Variants in RGS6 observed in about 807,000 individuals in gnomAD.
RGS6 encodes regulator of G-protein signaling 6.
In RGS6, 30 loss-of-function variants were observed where a neutral mutation model predicts 78.5. The observed-to-expected ratio is 0.38, with a 90% CI of 0.29 to 0.52. RGS6 has a LOEUF of 0.52. RGS6 is among the 20% of genes least tolerant of loss of function. The pLI is 0.85. For synonymous variants in RGS6, 206 were observed against 206.0 expected (o/e 1.00, Z 0.00); for missense variants, 495 against 609.7 (o/e 0.81, Z 1.98).
intron 12 of RGS6, among the ~76,000 whole-genome samples, chr14:72,483,369 C>T (rs2096420581): frequency 6.6e-6 from 1 of 152,208 alleles, no homozygotes; most frequent in African/African-American, 2.4e-5. Flanking sequence ...ATTCGTGTGT[C>T]ACAGCTGACT....
At chr14:72,301,914 T>C (rs1230037611) in intron 2 of RGS6, among the ~76,000 whole-genome samples, 3 of 152,170 alleles carry the variant, frequency 2.0e-5, no homozygotes, top group Non-Finnish European at 4.4e-5. Flanking sequence ...TAAGGTCACA[T>C]TTTGAAGCAC....
chr14:72,098,971 G>T (rs556017740), intron 2 of RGS6, among the ~76,000 whole-genome samples: 1 of 152,160 alleles, frequency 6.6e-6, no homozygotes, highest in Non-Finnish European at 1.5e-5. Flanking sequence ...ATTTTAAGGG[G>T]CATCAGTCTC....
At chr14:72,625,158 T>C in the RGS6 span, among the ~76,000 whole-genome samples, 1 of 152,192 alleles carries the variant, frequency 6.6e-6, no homozygotes, top group Non-Finnish European at 1.5e-5. Flanking sequence ...AATTGACAGT[T>C]CGTCCTTATA....
chr14:72,290,516 T>C (rs915726019), intron 2 of RGS6, among the ~76,000 whole-genome samples: 1 of 152,216 alleles, frequency 6.6e-6, no homozygotes, highest in Non-Finnish European at 1.5e-5. Flanking sequence ...AAATGGGTCC[T>C]TGGTGAGTAA....
At chr14:71,963,849 G>C (rs2093355065) in intron 1 of RGS6, among the ~76,000 whole-genome samples, 1 of 152,096 alleles carries the variant, frequency 6.6e-6, no homozygotes, top group Non-Finnish European at 1.5e-5. Context: ...TTTGATATTT[G>C]TTTTCAGTTA....
At chr14:72,444,456 G>A (rs1356077731) in intron 3 of RGS6, among the ~76,000 whole-genome samples, 1 of 152,164 alleles carries the variant, frequency 6.6e-6, no homozygotes, top group East Asian at 1.9e-4. Flanking sequence ...ATCTCCCCAG[G>A]CCTTCGCTGC....
chr14:72,113,077 C>G (rs748684840), intron 2 of RGS6, among the ~76,000 whole-genome samples: 1 of 142,174 alleles, frequency 7.0e-6, no homozygotes, highest in Admixed American at 7.3e-5. Flanking sequence ...CACACACACA[C>G]GCATGCACGC....
chr14:71,883,326 G>T, the RGS6 span, among the ~76,000 whole-genome samples: 2 of 152,168 alleles, frequency 1.3e-5, no homozygotes, highest in Non-Finnish European at 2.9e-5. Context: ...AGCCAGGTAT[G>T]GGACAGTTAG....
At position 72,565,990 on chromosome 14, in the gene RGS6, C is replaced by G. The variant is rs2097708480; in HGVS notation, c.*3523C>G. 6.6e-6 allele frequency: 1 copy of G among 152,140 alleles called. No homozygotes were observed. The highest frequency in any genetic ancestry group is 2.4e-5 in the African/African-American group (1 of 41,400). 9.4% of individuals were successfully genotyped at this position (152,140 alleles called of 1,614,324 possible). A position where few individuals can be genotyped will look rare whatever the true frequency, so the allele number is the denominator to read the frequency against. On this transcript the variant is annotated 3_prime_UTR_variant, in exon 18 of 18. Coordinates refer to ENST00000553525, the MANE Select transcript of RGS6 (RefSeq NM_001204424.2). ...TCGGGGGGAGATAATGCACCACCAG[C>G]CTCAAAAAGGAGCTGCCCAAGTTGA... is the stretch of plus-strand genomic sequence containing the variant.
At chr14:72,431,344 T>C (rs112364396) in intron 3 of RGS6, among the ~76,000 whole-genome samples, 9 of 152,088 alleles carry the variant, frequency 5.9e-5, no homozygotes, top group African/African-American at 2.2e-4. Flanking sequence ...AAGCACCCAG[T>C]TGGTTTGGCT....
chr14:72,402,940 G>A (rs2092597553), intron 3 of RGS6, among the ~76,000 whole-genome samples: 1 of 151,800 alleles, frequency 6.6e-6, no homozygotes, highest in Non-Finnish European at 1.5e-5. Context: ...GGGATTACAG[G>A]TGTGTGCCAC....
chr14:72,051,393 TG>T (rs2093231312), intron 2 of RGS6, among the ~76,000 whole-genome samples: 1 of 152,100 alleles, frequency 6.6e-6, no homozygotes, highest in Non-Finnish European at 1.5e-5. Flanking sequence ...TATACAGCCA[TG>T]GTTCTTTACG....
At chr14:72,310,609 G>A (rs552851768) in intron 2 of RGS6, among the ~76,000 whole-genome samples, 6 of 152,182 alleles carry the variant, frequency 3.9e-5, no homozygotes, top group African/African-American at 7.2e-5. Flanking sequence ...GATACAATTT[G>A]GTGGCTAATA....
At chr14:71,925,321 A>G in the RGS6 span, among the ~76,000 whole-genome samples, 4 of 152,218 alleles carry the variant, frequency 2.6e-5, no homozygotes, top group African/African-American at 9.6e-5. Flanking sequence ...CTTATTAGAC[A>G]TAAGGCTTGC....
rs536994240 is a variant in RGS6, at chr14:71,978,693, A to G, written c.84+13818A>G. Among the ~76,000 whole-genome samples, 10 of 151,872 alleles carry G rather than the reference A, an allele frequency of 6.6e-5. No individual in the cohort carries two copies. The South Asian group carries it at 8.4e-4, about 13-fold the overall frequency. The stretch of plus-strand genomic sequence containing the variant: ...TATTTTATTGAGGATTTTTGCATCA[A>G]TGTTCATCAAGGATATTGGTCTAAT... On this transcript the variant is annotated intron_variant, in intron 2 of 17. Transcript: ENST00000553525.
At position 72,349,175 on chromosome 14, in the gene RGS6, A is replaced by C. The variant is rs1231051878; in HGVS notation, c.85-2920A>C. ...AGTGAGACTCCGTCTCAAAAAATATATATAAAATAAAAAATAAATAAACTT... is the reference window on the plus strand; with the variant it reads ...AGTGAGACTCCGTCTCAAAAAATATCTATAAAATAAAAAATAAATAAACTT... On this transcript the variant is annotated intron_variant, in intron 2 of 17. Coordinates refer to ENST00000553525, the MANE Select transcript of RGS6 (RefSeq NM_001204424.2). Among the ~76,000 whole-genome samples, 3 of 152,200 alleles carry C rather than the reference A, an allele frequency of 2.0e-5. No individual in the cohort carries two copies. The South Asian group carries it at 6.2e-4, about 32-fold the overall frequency.
intron 17 of RGS6, among the ~76,000 whole-genome samples, chr14:72,559,157 G>A (rs930395677): frequency 2.0e-5 from 3 of 152,198 alleles, no homozygotes; most frequent in Non-Finnish European, 4.4e-5. Context: ...GTAAAGAGAC[G>A]GGGCAGTGCC....
chr14:72,441,959 G>C (rs1181105612), intron 3 of RGS6, among the ~76,000 whole-genome samples: 7 of 152,202 alleles, frequency 4.6e-5, no homozygotes, highest in Non-Finnish European at 1.5e-5. Flanking sequence ...TGCAGGAAAG[G>C]TGCACTCATA....
chr14:71,907,628 A>G, the RGS6 span, among the ~76,000 whole-genome samples: 1 of 149,202 alleles, frequency 6.7e-6, no homozygotes, highest in Non-Finnish European at 1.5e-5. Flanking sequence ...GTGGGGGGAT[A>G]TGTTCAGATT....
Sources: allele counts gnomAD v4.1 joint callset (sites outside exome capture counted in the v4.1 genomes callset), GRCh38; gene constraint gnomAD v4.1.1; transcripts MANE v1.5; gene names NCBI Gene and HGNC (gene_info 2026-07-23, HGNC 2026-07-21).